DPYD: variants seen among roughly 807,000 people sequenced by gnomAD.
DPYD encodes dihydropyrimidine dehydrogenase, also known as dihydropyrimidine dehydrogenase [NADP(+)].
DPYD carries 109 observed loss-of-function variants against 116.2 expected under a neutral mutation model. The observed-to-expected ratio is 0.94, with a 90% CI of 0.80 to 1.10. The LOEUF is 1.10. Ranked by LOEUF, DPYD falls within the 50% of genes least tolerant of loss-of-function variation. The probability of loss-of-function intolerance (pLI) is 0.00; values close to 1 mark genes in which losing one functional copy is unlikely to be tolerated. For missense variants in DPYD, 1,302 were observed against 1,254.5 expected (o/e 1.04, Z -0.57); for synonymous variants, 440 against 432.0 (o/e 1.02, Z -0.23).
At chr1:97,546,864 G>C (rs1318787051) in intron 12 of DPYD, 1 of 1,610,166 alleles carries the variant, frequency 6.2e-7, no homozygotes, top group Non-Finnish European at 8.5e-7. Flanking sequence ...ATCACCCACA[G>C]TGGGATACAG....
At chr1:97,679,072 A>ATATTTATTTATAATG in intron 8 of DPYD, 23 bp downstream of exon 8, 2 of 1,131,274 alleles carry the variant, frequency 1.8e-6, no homozygotes, top group Non-Finnish European at 2.5e-6. Context: ...ATAAATAAAT[A>ATATTTATTTATAATG]TATTTAAGAG....
chr1:97,751,466 A>ATATATG (rs1553233245), intron 3 of DPYD, among the ~76,000 whole-genome samples: 1 of 77,036 alleles, frequency 1.3e-5, no homozygotes, highest in Non-Finnish European at 2.7e-5. Flanking sequence ...GTGTGTATAT[A>ATATATG]TATATATATA....
rs1363116098 is a variant in DPYD, at chr1:97,297,512, ACTTT to A, written c.2299+7743_2299+7746del. On this transcript the variant is annotated intron_variant, in intron 18 of 22. Coordinates refer to ENST00000370192, the MANE Select transcript of DPYD (RefSeq NM_000110.4). ...ATATCATGAACAGTCTATAAAGATG[ACTTT>A]GGAAGAGCTCAGTGCATAGTGTAAC... Among the ~76,000 whole-genome samples the A allele has an allele frequency of 7.9e-5, 12 of 152,332 alleles. No individual in the cohort carries two copies. In the South Asian group the frequency reaches 2.5e-3, roughly 32 times the overall value.
At chr1:97,876,483 G>A (rs934435266) in intron 2 of DPYD, among the ~76,000 whole-genome samples, 3 of 151,938 alleles carry the variant, frequency 2.0e-5, no homozygotes, top group Non-Finnish European at 4.4e-5. Context: ...GCCTGCCCTC[G>A]CCTACCTTTC....
At chr1:97,768,613 T>C (rs1353779044) in intron 3 of DPYD, among the ~76,000 whole-genome samples, 1 of 152,200 alleles carries the variant, frequency 6.6e-6, no homozygotes, top group African/African-American at 2.4e-5. Flanking sequence ...GTTATTGTGA[T>C]GTGAAAATTG....
At chr1:97,511,116 G>A (rs984069987) in intron 13 of DPYD, among the ~76,000 whole-genome samples, 6 of 151,880 alleles carry the variant, frequency 4.0e-5, no homozygotes, top group Admixed American at 3.3e-4. Context: ...CTGATCATGC[G>A]TGCTGAGCCC....
At chr1:97,406,390 T>TTTTATTTA (rs199696412) in intron 14 of DPYD, among the ~76,000 whole-genome samples, 1 of 150,174 alleles carries the variant, frequency 6.7e-6, no homozygotes, top group South Asian at 2.1e-4. Flanking sequence ...CATCAGGAAT[T>TTTTATTTA]TTTATTTATT....
chr1:97,902,740 T>G (rs575341235), intron 1 of DPYD, among the ~76,000 whole-genome samples: 2 of 151,960 alleles, frequency 1.3e-5, no homozygotes, highest in African/African-American at 4.8e-5. Context: ...TCTAATGAGA[T>G]TTCTTTATTA....
chr1:97,201,539 A>G (rs1659201895), intron 19 of DPYD, among the ~76,000 whole-genome samples: 1 of 152,204 alleles, frequency 6.6e-6, no homozygotes, highest in Non-Finnish European at 1.5e-5. Flanking sequence ...GGAATTCATG[A>G]ATAAAACACC....
intron 2 of DPYD, among the ~76,000 whole-genome samples, chr1:97,867,716 T>C (rs1226876449): frequency 6.6e-6 from 1 of 151,662 alleles, no homozygotes; most frequent in East Asian, 1.9e-4. Context: ...GTAGAAAAAA[T>C]GTACGTGAAC....
chr1:97,289,987 A>C (rs1210323329), intron 18 of DPYD, among the ~76,000 whole-genome samples: 1 of 152,190 alleles, frequency 6.6e-6, no homozygotes, highest in Non-Finnish European at 1.5e-5. Flanking sequence ...AACTTCAGCA[A>C]AGTCTCAGGA....
At position 97,234,933 on chromosome 1, in the gene DPYD, T is replaced by C; in HGVS notation, c.2361A>G (p.Gly787=). 1 of 1,613,944 alleles carries C rather than the reference T, an allele frequency of 6.2e-7. No individual in the cohort carries two copies. Among genetic ancestry groups the C allele is most frequent in the Non-Finnish European group, 8.5e-7 (1 of 1,179,970 alleles). The change falls in exon 19 of 23, where the codon GGA becomes GGG. Residue 787 remains glycine, a synonymous_variant. Transcript: ENST00000370192. ...TTCCACCAGTAGCCAAAATGGGAAATCCAGGCAGAGCACGAGCAATGGAGG... is the reference window on the plus strand; with the variant it reads ...TTCCACCAGTAGCCAAAATGGGAAACCCAGGCAGAGCACGAGCAATGGAGG... ...AVTSIARALP[G]FPILATGGID...
At chr1:97,591,485 T>G (rs1654517535) in intron 10 of DPYD, among the ~76,000 whole-genome samples, 1 of 152,174 alleles carries the variant, frequency 6.6e-6, no homozygotes, top group Non-Finnish European at 1.5e-5. Context: ...AATGAATGAA[T>G]GAATGAATAA....
intron 2 of DPYD, among the ~76,000 whole-genome samples, chr1:97,837,126 T>C (rs1669806748): frequency 6.6e-6 from 1 of 152,142 alleles, no homozygotes; most frequent in Non-Finnish European, 1.5e-5. Flanking sequence ...GTTACTTACA[T>C]GAATTTGTAT....
intron 21 of DPYD, chr1:97,096,000 T>C (rs1384354926): frequency 6.6e-6 from 1 of 152,204 alleles, no homozygotes; most frequent in African/African-American, 2.4e-5. Flanking sequence ...AGATGGTATC[T>C]ACAATGTCTT....
intron 8 of DPYD, among the ~76,000 whole-genome samples, chr1:97,654,205 A>G (rs528818610): frequency 6.8e-4 from 103 of 152,336 alleles, no homozygotes; most frequent in Non-Finnish European, 1.4e-3. Context: ...ATTTGAAATA[A>G]TCTAATATGA....
intron 16 of DPYD, among the ~76,000 whole-genome samples, chr1:97,349,945 C>CAAAAAA (rs71939887): frequency 4.5e-5 from 6 of 134,732 alleles, no homozygotes; most frequent in South Asian, 2.3e-4. Context: ...TAAAAGAATC[C>CAAAAAA]AAAAAAAAAA....
chr1:97,148,543 G>C (rs567633460), intron 20 of DPYD, among the ~76,000 whole-genome samples: 3 of 152,210 alleles, frequency 2.0e-5, no homozygotes, highest in African/African-American at 7.2e-5. Context: ...GAAATAAGGA[G>C]AGGCATTTTG....
intron 16 of DPYD, among the ~76,000 whole-genome samples, chr1:97,306,936 G>A (rs1000144997): frequency 6.6e-6 from 1 of 151,844 alleles, no homozygotes; most frequent in Non-Finnish European, 1.5e-5. Context: ...AAACTTGACA[G>A]AATTGATCAA....
Sources: gnomAD v4.1 joint callset for allele counts (sites outside exome capture counted in the v4.1 genomes callset) on GRCh38, gnomAD v4.1.1 for gene constraint, MANE v1.5 for transcripts, NCBI Gene and HGNC (gene_info 2026-07-23, HGNC 2026-07-21) for gene names.